GRID1: variants seen among roughly 807,000 people sequenced by gnomAD.
GRID1 encodes the protein glutamate receptor ionotropic, delta-1.
In GRID1, 28 loss-of-function variants were observed where a neutral mutation model predicts 98.0. The observed-to-expected ratio is 0.29, with a 90% CI of 0.21 to 0.39. The LOEUF (loss-of-function observed/expected upper bound fraction) is 0.39. Ranked by LOEUF, GRID1 falls within the 10% of genes least tolerant of loss-of-function variation. The pLI, the probability that GRID1 is intolerant of heterozygous loss-of-function variation, is 1.00. For synonymous variants in GRID1, 553 were observed against 538.5 expected, an observed-to-expected ratio of 1.03 and a Z score of -0.37; for missense variants, 1,111 against 1,340.5, an observed-to-expected ratio of 0.83 and a Z score of 2.67.
In GRID1 at chr10:86,194,909, C is replaced by T. The variant is rs1250884550; in HGVS notation, c.520+11455G>A. Among the ~76,000 whole-genome samples, 4 of 152,068 alleles carry T rather than the reference C, an allele frequency of 2.6e-5. 1 individual carries two copies. The highest frequency in any genetic ancestry group is 5.9e-5 in the Non-Finnish European group (4 of 67,950). On this transcript the variant is annotated intron_variant, in intron 3 of 15. Coordinates refer to ENST00000327946, the MANE Select transcript of GRID1 (RefSeq NM_017551.3). Reference sequence around the variant, plus strand: ...TTGTCCCACTTACAGCAGTTCCTGTCAGGGCAGGGACCATGCCTGCCTTGC... The same window carrying T: ...TTGTCCCACTTACAGCAGTTCCTGTTAGGGCAGGGACCATGCCTGCCTTGC...
chr10:86,136,203 C>T (rs184874132), intron 4 of GRID1, among the ~76,000 whole-genome samples: 2 of 152,240 alleles, frequency 1.3e-5, no homozygotes, highest in Admixed American at 1.3e-4. Context: ...CCCAGGTGTT[C>T]CTAGGGGACC....
chr10:86,167,680 G>C (rs1330242487), intron 3 of GRID1, among the ~76,000 whole-genome samples: 1 of 152,198 alleles, frequency 6.6e-6, no homozygotes, highest in East Asian at 1.9e-4. Flanking sequence ...CTGAGGTTTT[G>C]CTGCCTTCCT....
At chr10:86,126,556 A>G (rs1057051761) in intron 4 of GRID1, among the ~76,000 whole-genome samples, 18 of 152,236 alleles carry the variant, frequency 1.2e-4, no homozygotes, top group African/African-American at 4.3e-4. Context: ...AAAGGAGAAC[A>G]GGGCTCGCTT....
intron 2 of GRID1, among the ~76,000 whole-genome samples, chr10:86,213,660 C>A (rs1229427124): frequency 6.6e-6 from 1 of 152,062 alleles, no homozygotes; most frequent in Admixed American, 6.5e-5. Context: ...TTTGACCCAC[C>A]CCACTGAACA....
At chr10:85,888,170 G>A (rs1841144378) in intron 5 of GRID1, among the ~76,000 whole-genome samples, 1 of 152,220 alleles carries the variant, frequency 6.6e-6, no homozygotes, top group African/African-American at 2.4e-5. Flanking sequence ...TTGTATAAAT[G>A]ACGCAATAGC....
At chr10:85,695,770 C>A (rs558080443) in intron 12 of GRID1, among the ~76,000 whole-genome samples, 15 of 152,204 alleles carry the variant, frequency 9.9e-5, no homozygotes, top group South Asian at 4.1e-4. Context: ...AACCAACCAA[C>A]CAAACAAACA....
chr10:85,635,864 G>T (rs988060674), intron 13 of GRID1, among the ~76,000 whole-genome samples: 1 of 152,226 alleles, frequency 6.6e-6, no homozygotes, highest in African/African-American at 2.4e-5. Context: ...CAAGCAGTGT[G>T]GGGGAGCTGA....
intron 4 of GRID1, among the ~76,000 whole-genome samples, chr10:86,056,238 G>T (rs969532898): frequency 6.6e-6 from 1 of 152,156 alleles, no homozygotes; most frequent in South Asian, 2.1e-4. Context: ...GACTTGGAGG[G>T]CATTAACTCC....
chr10:86,343,870 G>C (rs928675619), intron 2 of GRID1, among the ~76,000 whole-genome samples: 2 of 152,256 alleles, frequency 1.3e-5, no homozygotes, highest in East Asian at 3.8e-4. Context: ...AACTGGGGGA[G>C]AATGTCCAGA....
intron 8 of GRID1, among the ~76,000 whole-genome samples, chr10:85,826,047 C>G (rs1177874577): frequency 2.0e-5 from 3 of 152,186 alleles, no homozygotes; most frequent in African/African-American, 7.2e-5. Flanking sequence ...CGCAATCAGG[C>G]TAGGCGCGTT....
intron 4 of GRID1, among the ~76,000 whole-genome samples, chr10:86,004,749 C>CACACACACAA (rs10528713): frequency 0.52 from 79,284 of 151,360 alleles, 21,070 homozygotes; most frequent in South Asian, 0.59. Flanking sequence ...CTCACACACA[C>CACACACACAA]ACACACACAG....
At chr10:86,170,851 A>G (rs899492759) in intron 3 of GRID1, among the ~76,000 whole-genome samples, 2 of 152,276 alleles carry the variant, frequency 1.3e-5, no homozygotes, top group East Asian at 1.9e-4. Flanking sequence ...GTCTATTTTC[A>G]GCCAAATGCC....
At chr10:85,827,702 G>A (rs1214242945) in intron 8 of GRID1, among the ~76,000 whole-genome samples, 5 of 151,538 alleles carry the variant, frequency 3.3e-5, no homozygotes, top group Admixed American at 6.6e-5. Flanking sequence ...GATGAAGAAC[G>A]GCATTACATA....
chr10:86,026,472 A>T (rs1843118794), intron 4 of GRID1, among the ~76,000 whole-genome samples: 1 of 152,210 alleles, frequency 6.6e-6, no homozygotes, highest in Admixed American at 6.5e-5. Context: ...GAGGGTTTCA[A>T]GCAGCTTTAC....
At chr10:86,352,551 C>T (rs1848477479) in intron 2 of GRID1, among the ~76,000 whole-genome samples, 1 of 152,140 alleles carries the variant, frequency 6.6e-6, no homozygotes, top group African/African-American at 2.4e-5. Flanking sequence ...AGCAGAGAGA[C>T]ACAGCAAGCT....
At position 85,737,656 on chromosome 10, in the gene GRID1, A is replaced by C. The variant is rs977285831; in HGVS notation, c.1234-8042T>G. On this transcript the variant is annotated intron_variant, in intron 8 of 15. Coordinates refer to ENST00000327946, the MANE Select transcript of GRID1 (RefSeq NM_017551.3). Reference sequence around the variant, plus strand: ...CAACAGTAAAGCCAGATATATATATATATATATATATATATATAAACATAT... The same window carrying C: ...CAACAGTAAAGCCAGATATATATATCTATATATATATATATATAAACATAT... 7.6e-4 allele frequency among the ~76,000 whole-genome samples: 100 copies of C among 131,886 alleles called. 4 individuals are homozygous for C. The highest frequency in any genetic ancestry group is 2.8e-3 in the African/African-American group (98 of 34,526). The allele number at this position is 131,886 out of a possible 152,430, so 86.5% of individuals were successfully genotyped here. A position where few individuals can be genotyped will look rare whatever the true frequency, so the allele number is the denominator to read the frequency against.
chr10:86,148,743 C>CA (rs34623547), intron 3 of GRID1, among the ~76,000 whole-genome samples: 12 of 149,970 alleles, frequency 8.0e-5, no homozygotes, highest in Admixed American at 2.0e-4. Flanking sequence ...TTTTACTTGT[C>CA]AAAAAAAAAG....
intron 8 of GRID1, among the ~76,000 whole-genome samples, chr10:85,741,619 G>T (rs1410551913): frequency 6.6e-6 from 1 of 151,804 alleles, no homozygotes; most frequent in African/African-American, 2.4e-5. Flanking sequence ...TCTTTTTTAT[G>T]CACTCCCTAT....
At chr10:86,066,482 A>C (rs1843722003) in intron 4 of GRID1, among the ~76,000 whole-genome samples, 1 of 152,182 alleles carries the variant, frequency 6.6e-6, no homozygotes, top group African/African-American at 2.4e-5. Flanking sequence ...TGAAGAATGC[A>C]CCCAAGTACC....
Sources: gnomAD v4.1 joint callset for allele counts (sites outside exome capture counted in the v4.1 genomes callset) on GRCh38, gnomAD v4.1.1 for gene constraint, MANE v1.5 for transcripts, NCBI Gene and HGNC (gene_info 2026-07-23, HGNC 2026-07-21) for gene names.